Variants in SCO1 observed in about 807,000 individuals in gnomAD.
SCO1 encodes cytochrome c oxidase assembly factor SCO1.
In SCO1, 23 loss-of-function variants were observed where a neutral mutation model predicts 34.0. The observed-to-expected ratio is 0.68, with a 90% CI of 0.49 to 0.96. The LOEUF is 0.96. SCO1 is among the 40% of genes least tolerant of loss of function. SCO1 has a pLI of 0.00. For synonymous variants in SCO1, 161 were observed against 145.5 expected (o/e 1.11, Z -0.77); for missense variants, 404 against 381.6 (o/e 1.06, Z -0.49).
chr17:10,681,742 T>C (rs575246068), intron 5 of SCO1, among the ~76,000 whole-genome samples: 13 of 152,384 alleles, frequency 8.5e-5, no homozygotes, highest in African/African-American at 2.9e-4. Flanking sequence ...GGTTTATTCA[T>C]GTTTTAGAAA....
At chr17:10,688,219 C>T (rs1361599180) in intron 4 of SCO1, among the ~76,000 whole-genome samples, 6 of 152,134 alleles carry the variant, frequency 3.9e-5, no homozygotes, top group Admixed American at 2.6e-4. Flanking sequence ...ACTGAAATGA[C>T]GAGCCACAGA....
In SCO1 at chr17:10,679,622, T is replaced by G. The variant is rs1468309185; in HGVS notation, c.*1497A>C. The G allele has an allele frequency of 1.3e-5, 2 of 152,218 alleles. No individual in the cohort carries two copies. Among genetic ancestry groups the G allele is most frequent in the African/African-American group, 4.8e-5 (2 of 41,452 alleles). 9.4% of individuals were successfully genotyped at this position (152,218 alleles called of 1,614,324 possible). A position where few individuals can be genotyped will look rare whatever the true frequency, so the allele number is the denominator to read the frequency against. ...ACTTTGCCCCTAGGGCAGCAGCTTC[T>G]GGCAGAAAAAGGCCAAACCCAGGAT... On this transcript the variant is annotated 3_prime_UTR_variant, in exon 6 of 6. Coordinates refer to ENST00000255390, the MANE Select transcript of SCO1 (RefSeq NM_004589.4).
At chr17:10,695,976 CA>C in intron 1 of SCO1, 145 bp from the exon 2 acceptor site, 1 of 570,360 alleles carries the variant, frequency 1.8e-6, no homozygotes, top group Non-Finnish European at 3.2e-6. Flanking sequence ...AGAAAATGCT[CA>C]AAGTTTCTGT....
chr17:10,696,952 A>ATTTT lies in SCO1; in HGVS notation c.273+279_273+282dup, dbSNP rs57744268. Among the ~76,000 whole-genome samples the ATTTT allele has an allele frequency of 3.0e-4, 44 of 146,354 alleles. No homozygotes were observed. In the South Asian group the frequency reaches 3.7e-3, roughly 12 times the overall value. On this transcript the variant is annotated intron_variant, in intron 1 of 5. Transcript: ENST00000255390. ...TACCCTTAAGAAAACCTGAAACTTA[A>ATTTT]TTTTTTTTTTTTTTTTGATGGAAAC...
In SCO1 at chr17:10,679,958, G is replaced by GGGC. The variant is rs2074609919; in HGVS notation, c.*1158_*1160dup. 2 of 72,960 alleles carry GGGC rather than the reference G, an allele frequency of 2.7e-5. No individual in the cohort carries two copies. Among genetic ancestry groups the GGGC allele is most frequent in the African/African-American group, 1.2e-4 (2 of 16,406 alleles). The allele number at this position is 72,960 out of a possible 1,614,324, so 4.5% of individuals were successfully genotyped here. ...CCAAAAAAATCTTCTGTAGAGATGGGGGCGGGGGGGGGGGGTCTCACTATG... is the reference window on the plus strand; with the variant it reads ...CCAAAAAAATCTTCTGTAGAGATGGGGGCGGCGGGGGGGGGGGGTCTCACTATG... On this transcript the variant is annotated 3_prime_UTR_variant, in exon 6 of 6. Transcript: ENST00000255390.
rs1238939339 is a variant in SCO1, at chr17:10,678,729, T to TTAA, written c.*2389_*2390insTTA. On this transcript the variant is annotated 3_prime_UTR_variant, in exon 6 of 6. Coordinates refer to ENST00000255390, the MANE Select transcript of SCO1 (RefSeq NM_004589.4). ...GGTTTCTATAAACTAAATCTTGCAGTTGTTTATTAAGGAACAGGCTATTGT... is the reference window on the plus strand; with the variant it reads ...GGTTTCTATAAACTAAATCTTGCAGTTAATGTTTATTAAGGAACAGGCTATTGT... 6.6e-6 allele frequency: 1 copy of TTAA among 152,206 alleles called. No homozygotes were observed. The highest frequency in any genetic ancestry group is 2.4e-5 in the African/African-American group (1 of 41,442). 9.4% of individuals were successfully genotyped at this position (152,206 alleles called of 1,614,324 possible).
chr17:10,689,384 C>T (rs80331714), intron 4 of SCO1, among the ~76,000 whole-genome samples: 2 of 152,008 alleles, frequency 1.3e-5, no homozygotes, highest in East Asian at 3.8e-4. Context: ...TAAATAACCT[C>T]AAAGTTTAGA....
rs2520179 is a variant in SCO1, at chr17:10,691,740, C to T, written c.655+132G>A. On this transcript the variant is annotated intron_variant, in intron 4 of 5. Coordinates refer to ENST00000255390, the MANE Select transcript of SCO1 (RefSeq NM_004589.4). ...CTATCCATAACAATTCCTAGCTTCA[C>T]CTTTTTATTCACCCATAAAACTGGT... 8,452 of 682,686 alleles carry T rather than the reference C, an allele frequency of 0.012. 509 individuals carry two copies. The African/African-American group carries it at 0.13, about 10-fold the overall frequency. The allele number at this position is 682,686 out of a possible 1,614,324, so 42.3% of individuals were successfully genotyped here.
chr17:10,689,692 T>C (rs1383564296), intron 4 of SCO1, among the ~76,000 whole-genome samples: 1 of 152,170 alleles, frequency 6.6e-6, no homozygotes, highest in Non-Finnish European at 1.5e-5. Context: ...AATACCTTCC[T>C]TAGAAGCAGA....
intron 5 of SCO1, among the ~76,000 whole-genome samples, chr17:10,681,989 AGCAT>A (rs761238611): frequency 3.9e-5 from 6 of 152,330 alleles, no homozygotes; most frequent in African/African-American, 9.6e-5. Context: ...AATCCTCGGG[AGCAT>A]AAATGCTGCC....
At chr17:10,697,154 G>A (rs1183670428) in intron 1 of SCO1, 81 bp downstream of exon 1, 2 of 1,333,282 alleles carry the variant, frequency 1.5e-6, no homozygotes, top group Non-Finnish European at 2.0e-6. Context: ...TAGTGTCTGA[G>A]GTTACGACCA....
chr17:10,689,134 A>T (rs1328712642), intron 4 of SCO1, among the ~76,000 whole-genome samples: 2 of 140,112 alleles, frequency 1.4e-5, no homozygotes, highest in African/African-American at 6.4e-5. Flanking sequence ...AAAAAAAAAA[A>T]AGAAAGCAGT....
chr17:10,691,421 C>G (rs2074688510), intron 4 of SCO1, among the ~76,000 whole-genome samples: 1 of 152,116 alleles, frequency 6.6e-6, no homozygotes, highest in African/African-American at 2.4e-5. Flanking sequence ...CGGCCTGTTA[C>G]AGTAAATGTT....
At position 10,680,200 on chromosome 17, in the gene SCO1, A is replaced by T. The variant is rs1470933186; in HGVS notation, c.*919T>A. 6.6e-6 allele frequency: 1 copy of T among 152,296 alleles called. No individual in the cohort carries two copies. The highest frequency in any genetic ancestry group is 1.5e-5 in the Non-Finnish European group (1 of 68,108). The allele number at this position is 152,296 out of a possible 1,614,324, so 9.4% of individuals were successfully genotyped here. A position where few individuals can be genotyped will look rare whatever the true frequency, so the allele number is the denominator to read the frequency against. The stretch of plus-strand genomic sequence containing the variant: ...ATCATACTGCAGATTCAGTGAATTC[A>T]GCTCTGGGTCTGGGGAACTGCACTT... On this transcript the variant is annotated 3_prime_UTR_variant, in exon 6 of 6. Coordinates refer to ENST00000255390, the MANE Select transcript of SCO1 (RefSeq NM_004589.4).
Position 10,673,029 on chromosome 17 carries a change from G to A in SCO1, c.*8090C>T, listed in dbSNP as rs1324350015. 1 of 148,162 alleles carries A rather than the reference G, an allele frequency of 6.7e-6. No homozygotes were observed. Among genetic ancestry groups the A allele is most frequent in the Non-Finnish European group, 1.5e-5 (1 of 67,494 alleles). 9.2% of individuals were successfully genotyped at this position (148,162 alleles called of 1,614,324 possible). The stretch of plus-strand genomic sequence containing the variant: ...TTTCTTTTTTTTTTTTTTTGAGATG[G>A]AGTCTTGCCCTGTTGCCAGGCTGGA... On this transcript the variant is annotated 3_prime_UTR_variant, in exon 6 of 6. Coordinates refer to ENST00000255390, the MANE Select transcript of SCO1 (RefSeq NM_004589.4).
chr17:10,692,899 T>C lies in SCO1; in HGVS notation c.427A>G (p.Thr143Ala), dbSNP rs554965649. Reference sequence around the variant, plus strand: ...GTTTTACGCTCCCCAGTATGAGTTGTGAGGGAAAACGGTCCCCCAAGTAAA... The same window carrying C: ...GTTTTACGCTCCCCAGTATGAGTTGCGAGGGAAAACGGTCCCCCAAGTAAA... ...KPLLGGPFSLTTHTGERKTDK... is the reference protein window; with the variant it reads ...KPLLGGPFSLATHTGERKTDK... Residue 143 changes from threonine to alanine, a missense_variant, in exon 3 of 6, where the codon ACA becomes GCA. By Grantham distance (58) the Thr-to-Ala change is moderately conservative (BLOSUM62 0). Coordinates refer to ENST00000255390, the MANE Select transcript of SCO1 (RefSeq NM_004589.4). 1.2e-6 allele frequency: 2 copies of C among 1,614,154 alleles called. No individual in the cohort carries two copies. Among genetic ancestry groups the C allele is most frequent in the Non-Finnish European group, 1.7e-6 (2 of 1,180,024 alleles).
rs1437978323 is a variant in SCO1 at position 10,673,860 on chromosome 17, C to T, written c.*7259G>A. ...AGAAGTTCTGACAGGGAGTGACAGT[C>T]GTCTTTGACAAAAATTTCAAAAGTG... On this transcript the variant is annotated 3_prime_UTR_variant, in exon 6 of 6. Transcript: ENST00000255390. 3 of 152,114 alleles carry T rather than the reference C, an allele frequency of 2.0e-5. No homozygotes were observed. Among genetic ancestry groups the T allele is most frequent in the South Asian group, 2.1e-4 (1 of 4,832 alleles). 9.4% of individuals were successfully genotyped at this position (152,114 alleles called of 1,614,324 possible).
chr17:10,676,028 C>T lies in SCO1; in HGVS notation c.*5091G>A, dbSNP rs565038847. On this transcript the variant is annotated 3_prime_UTR_variant, in exon 6 of 6. Coordinates refer to ENST00000255390, the MANE Select transcript of SCO1 (RefSeq NM_004589.4). The stretch of plus-strand genomic sequence containing the variant: ...TATTTGATATTAAGCAAAAACCAAA[C>T]GACAAAATCCAAGAGCAAAAACAAA... The T allele has an allele frequency of 3.3e-4, 50 of 152,264 alleles. No individual in the cohort carries two copies. The highest frequency in any genetic ancestry group is 9.9e-4 in the African/African-American group (41 of 41,546). 9.4% of individuals were successfully genotyped at this position (152,264 alleles called of 1,614,324 possible).
At position 10,697,323 on chromosome 17, in the gene SCO1, A is replaced by G. The variant is rs1026418638; in HGVS notation, c.185T>C (p.Leu62Pro). ...CGCAGTGCTGAGGGGCCGGGTTCCC[A>G]GGCAATAGCCAGGGCGCCCCGAGGC... ...WRASGRPGYC[L>P]GTRPLSTARP... is the part of the protein sequence containing the mutation. Residue 62 changes from leucine (L) to proline (P), a missense_variant, in exon 1 of 6, where the codon CTG becomes CCG. By Grantham distance (98) the Leu-to-Pro change is moderately conservative. Coordinates refer to ENST00000255390, the MANE Select transcript of SCO1 (RefSeq NM_004589.4). 3.1e-5 allele frequency: 48 copies of G among 1,570,744 alleles called. No individual in the cohort carries two copies. The highest frequency in any genetic ancestry group is 3.9e-5 in the Non-Finnish European group (45 of 1,158,746).
Sources: gnomAD v4.1 joint callset for allele counts (sites outside exome capture counted in the v4.1 genomes callset) on GRCh38, gnomAD v4.1.1 for gene constraint, MANE v1.5 for transcripts, NCBI Gene and HGNC (gene_info 2026-07-23, HGNC 2026-07-21) for gene names.